Variants in NBAS observed in about 807,000 individuals in gnomAD.
NBAS encodes the protein NBAS subunit of NRZ tethering complex.
Under a neutral mutation model 302.5 loss-of-function variants are expected in NBAS, and 219 were observed. That is an observed-to-expected ratio of 0.72 (90% CI 0.65 to 0.81). The LOEUF (loss-of-function observed/expected upper bound fraction) is 0.81, where lower values mean the gene tolerates loss of function less well. Ranked by LOEUF, NBAS falls within the 30% of genes least tolerant of loss-of-function variation. The probability of loss-of-function intolerance (pLI) is 0.00; values close to 1 mark genes in which losing one functional copy is unlikely to be tolerated. For synonymous variants in NBAS, 1,118 were observed against 1,021.6 expected, an observed-to-expected ratio of 1.09 and a Z score of -1.80; for missense variants, 2,932 against 2,841.6, an observed-to-expected ratio of 1.03 and a Z score of -0.72.
intron 44 of NBAS, among the ~76,000 whole-genome samples, chr2:15,274,946 GTTTT>G (rs1038883194): frequency 6.9e-6 from 1 of 145,048 alleles, no homozygotes; most frequent in African/African-American, 2.5e-5. Flanking sequence ...TTTTTTTTTG[GTTTT>G]TTTTTTTCTT....
the NBAS span, among the ~76,000 whole-genome samples, chr2:14,842,790 C>A: frequency 6.7e-6 from 1 of 150,162 alleles, no homozygotes; most frequent in Non-Finnish European, 1.5e-5. Flanking sequence ...GGAAGAAATA[C>A]TTCCAAACAC....
the NBAS span, among the ~76,000 whole-genome samples, chr2:15,101,291 G>A: frequency 1.3e-5 from 2 of 151,616 alleles, no homozygotes. Flanking sequence ...AATTCCAGGG[G>A]CAGTAAAAAA....
intron 30 of NBAS, among the ~76,000 whole-genome samples, chr2:15,377,311 C>A (rs1572746129): frequency 6.6e-6 from 1 of 152,116 alleles, no homozygotes; most frequent in East Asian, 1.9e-4. Context: ...ACTGGAAAGA[C>A]TGAAAATTAA....
chr2:15,099,857 T>C, the NBAS span, among the ~76,000 whole-genome samples: 4 of 152,180 alleles, frequency 2.6e-5, no homozygotes, highest in African/African-American at 9.7e-5. Context: ...AGCTACAATA[T>C]GGCAAAATTG....
chr2:14,882,990 A>G, the NBAS span, among the ~76,000 whole-genome samples: 1 of 152,226 alleles, frequency 6.6e-6, no homozygotes, highest in Non-Finnish European at 1.5e-5. Flanking sequence ...ATTTGCCCAC[A>G]TAAAACCTAA....
the NBAS span, among the ~76,000 whole-genome samples, chr2:14,890,287 G>A: frequency 1.3e-5 from 2 of 152,076 alleles, no homozygotes; most frequent in Non-Finnish European, 2.9e-5. Context: ...TTTTAGCTAA[G>A]GAAGTGGAAT....
chr2:15,284,848 G>C (rs1370046208), intron 42 of NBAS, among the ~76,000 whole-genome samples: 1 of 152,180 alleles, frequency 6.6e-6, no homozygotes, highest in Non-Finnish European at 1.5e-5. Flanking sequence ...ACAAGTGATG[G>C]TGCCAGGAGG....
In NBAS at chr2:15,275,643, G is replaced by C. The variant is rs147800272; in HGVS notation, c.5565C>G (p.Phe1855Leu). The C allele has an allele frequency of 4.3e-6, 7 of 1,614,066 alleles. No individual in the cohort carries two copies. The highest frequency in any genetic ancestry group is 5.9e-6 in the Non-Finnish European group (7 of 1,180,046). ...SLYTIWLQKL[F>L]WTGDPHLIKQ... is the part of the protein sequence containing the mutation. ...TAATGAGATGAGGGTCTCCAGTCCA[G>C]AACAACTTCTGTAACCAGATGGTGT... is the stretch of plus-strand genomic sequence containing the variant. The change falls in exon 44 of 52, where the codon TTC (phenylalanine) becomes TTG (leucine). Residue 1855 changes from phenylalanine to leucine, a missense_variant. Physicochemically the swap from Phe to Leu is conservative, Grantham distance 22. Coordinates refer to ENST00000281513, the MANE Select transcript of NBAS (RefSeq NM_015909.4).
intron 38 of NBAS, among the ~76,000 whole-genome samples, chr2:15,324,814 C>T (rs1357484844): frequency 2.0e-5 from 3 of 152,196 alleles, no homozygotes; most frequent in South Asian, 4.1e-4. Context: ...GTTTCTCCCA[C>T]TCCCTAAAGC....
intron 40 of NBAS, among the ~76,000 whole-genome samples, chr2:15,298,332 A>C (rs1670643796): frequency 6.6e-6 from 1 of 152,174 alleles, no homozygotes; most frequent in Non-Finnish European, 1.5e-5. Context: ...GATACTGAGA[A>C]GAACTTACAA....
the NBAS span, among the ~76,000 whole-genome samples, chr2:15,109,320 G>A: frequency 6.6e-6 from 1 of 152,134 alleles, no homozygotes; most frequent in East Asian, 1.9e-4. Context: ...CAACAGTCAT[G>A]AATGTTTGTT....
chr2:14,942,179 A>G, the NBAS span, among the ~76,000 whole-genome samples: 1 of 152,196 alleles, frequency 6.6e-6, no homozygotes, highest in African/African-American at 2.4e-5. Context: ...CGTTCAGGAT[A>G]ATTTTGTATT....
chr2:15,167,464 A>G, intron 51 of NBAS, 141 bp from the exon 52 acceptor site: 3 of 1,054,770 alleles, frequency 2.8e-6, no homozygotes, highest in Non-Finnish European at 2.8e-6. Flanking sequence ...GGTCACGAGC[A>G]CCTCTGAGGT....
At chr2:15,560,993 T>C (rs1458748231) in intron 1 of NBAS, among the ~76,000 whole-genome samples, 195 bp downstream of exon 1, 1 of 151,810 alleles carries the variant, frequency 6.6e-6, no homozygotes, top group Admixed American at 6.6e-5. Context: ...CCAGGAAGAA[T>C]CTCAGGGACC....
At chr2:15,530,848 C>T (rs778732786) in intron 9 of NBAS, among the ~76,000 whole-genome samples, 32 of 151,686 alleles carry the variant, frequency 2.1e-4, no homozygotes, top group Admixed American at 1.3e-3. Flanking sequence ...AATAAACCTA[C>T]GCCAAGTCAT....
intron 12 of NBAS, among the ~76,000 whole-genome samples, chr2:15,480,504 T>C (rs746062690): frequency 4.6e-5 from 7 of 151,856 alleles, no homozygotes; most frequent in Admixed American, 6.6e-5. Context: ...ATAAAAGGTA[T>C]AGGGGCCTTC....
Position 15,561,293 on chromosome 2 carries a change from G to C in NBAS, c.12C>G (p.Pro4=), listed in dbSNP as rs369178214. 6.2e-7 allele frequency: 1 copy of C among 1,612,972 alleles called. No homozygotes were observed. The highest frequency in any genetic ancestry group is 8.5e-7 in the Non-Finnish European group (1 of 1,179,934). Reference sequence around the variant, plus strand: ...CTGGACTCAAAGCCGGCCCTGACTCGGGGGCCGCCATGTTCGCCGAGGACT... The same window carrying C: ...CTGGACTCAAAGCCGGCCCTGACTCCGGGGCCGCCATGTTCGCCGAGGACT... MAA[P]ESGPALSPGT... Residue 4 remains proline (P), a synonymous_variant, in exon 1 of 52, where the codon CCC becomes CCG. Coordinates refer to ENST00000281513, the MANE Select transcript of NBAS (RefSeq NM_015909.4).
chr2:15,238,432 T>C (rs771639173), intron 45 of NBAS, 36 bp downstream of exon 45: 6 of 1,581,142 alleles, frequency 3.8e-6, no homozygotes, highest in Non-Finnish European at 5.2e-6. Flanking sequence ...AATATACTGA[T>C]ACAGAGTGAG....
chr2:15,490,113 C>T (rs1277969557), intron 11 of NBAS, among the ~76,000 whole-genome samples: 3 of 152,152 alleles, frequency 2.0e-5, no homozygotes, highest in Middle Eastern at 3.4e-3. Flanking sequence ...CAAATACTAG[C>T]TATAGAACTG....
Sources: allele counts gnomAD v4.1 joint callset (sites outside exome capture counted in the v4.1 genomes callset), GRCh38; gene constraint gnomAD v4.1.1; transcripts MANE v1.5; gene names NCBI Gene and HGNC (gene_info 2026-07-23, HGNC 2026-07-21).